The following PIK3CD variants were observed in gnomAD, a reference collection of about 807,000 sequenced individuals.
PIK3CD encodes phosphatidylinositol 4,5-bisphosphate 3-kinase catalytic subunit delta isoform.
In PIK3CD, 20 loss-of-function variants were observed where a neutral mutation model predicts 122.9. That is an observed-to-expected ratio of 0.16 (90% CI 0.11 to 0.24). The LOEUF (loss-of-function observed/expected upper bound fraction) is 0.24, where lower values mean the gene tolerates loss of function less well. PIK3CD is among the 10% of genes least tolerant of loss of function. The pLI, the probability that PIK3CD is intolerant of heterozygous loss-of-function variation, is 1.00. For synonymous variants in PIK3CD, 596 were observed against 593.4 expected, an observed-to-expected ratio of 1.00 and a Z score of -0.06; for missense variants, 787 against 1,406.3, an observed-to-expected ratio of 0.56 and a Z score of 7.04.
chr1:9,629,668 G>A, the PIK3CD span, among the ~76,000 whole-genome samples: 9 of 152,206 alleles, frequency 5.9e-5, no homozygotes, highest in Admixed American at 3.3e-4. Flanking sequence ...CTGGGAGAAG[G>A]TGAGCTAAGA....
intron 2 of PIK3CD, among the ~76,000 whole-genome samples, chr1:9,694,793 T>G (rs1417831935): frequency 6.6e-6 from 1 of 151,960 alleles, no homozygotes; most frequent in Non-Finnish European, 1.5e-5. Flanking sequence ...GGAAATCCTC[T>G]CTCTACATAA....
chr1:9,657,383 T>A (rs1376795768), intron 1 of PIK3CD, among the ~76,000 whole-genome samples: 1 of 152,144 alleles, frequency 6.6e-6, no homozygotes, highest in Admixed American at 6.5e-5. Flanking sequence ...CTTTCTGTAT[T>A]TTCTGGGGAC....
At chr1:9,657,728 G>C (rs1233408348) in intron 1 of PIK3CD, among the ~76,000 whole-genome samples, 1 of 152,056 alleles carries the variant, frequency 6.6e-6, no homozygotes, top group Non-Finnish European at 1.5e-5. Context: ...CTCTCTCTCT[G>C]AGGTCACACA....
chr1:9,653,235 G>T (rs906727847), intron 1 of PIK3CD: 2 of 157,726 alleles, frequency 1.3e-5, no homozygotes, highest in Non-Finnish European at 2.8e-5. Flanking sequence ...CCGCCCGGGT[G>T]CCTGACGGTG....
At position 9,727,074 on chromosome 1, in the gene PIK3CD, G is replaced by A. The variant is rs1649773240; in HGVS notation, c.*28G>A. The A allele has an allele frequency of 6.2e-7, 1 of 1,613,880 alleles. No individual in the cohort carries two copies. The highest frequency in any genetic ancestry group is 1.1e-5 in the South Asian group (1 of 91,056). On this transcript the variant is annotated 3_prime_UTR_variant, in exon 24 of 24. Coordinates refer to ENST00000377346, the MANE Select transcript of PIK3CD (RefSeq NM_005026.5). ...GCTCCTCCCAGCCCTGGGCCCAAGAGGAGGCGGCTGCGGGTCGTGGGGACC... is the reference window on the plus strand; with the variant it reads ...GCTCCTCCCAGCCCTGGGCCCAAGAAGAGGCGGCTGCGGGTCGTGGGGACC...
intron 2 of PIK3CD, among the ~76,000 whole-genome samples, chr1:9,694,961 CAA>C (rs374331511): frequency 6.9e-6 from 1 of 145,888 alleles, no homozygotes; most frequent in African/African-American, 2.6e-5. Context: ...GACCCTGTCT[CAA>C]AAACAAAAAA....
chr1:9,647,217 C>T (rs1385713399), upstream of PIK3CD, among the ~76,000 whole-genome samples: 1 of 151,452 alleles, frequency 6.6e-6, no homozygotes, highest in African/African-American at 2.4e-5. Flanking sequence ...AGTTTGAGAC[C>T]AGACTGGGTG....
At chr1:9,669,354 TCTC>T (rs2100961064) in intron 1 of PIK3CD, among the ~76,000 whole-genome samples, 1 of 151,064 alleles carries the variant, frequency 6.6e-6, no homozygotes, top group Admixed American at 6.6e-5. Flanking sequence ...GAGATGGAGG[TCTC>T]CTTTTGTTGC....
chr1:9,715,781 G>C lies in PIK3CD; in HGVS notation c.370+12G>C, dbSNP rs377356205. On this transcript the variant is annotated intron_variant, in intron 4 of 23. Transcript: ENST00000377346. This position sits in a 1 kb window ranked among gnomAD's most constrained non-coding sequence, Gnocchi z 4.1. ...CCTCATCGGCAAAGGTAGCTCTGCC[G>C]AGTGGGCCGTGTGGCCGGGCTGGCC... 7.4e-6 allele frequency: 12 copies of C among 1,612,734 alleles called. No individual in the cohort carries two copies. Among genetic ancestry groups the C allele is most frequent in the Non-Finnish European group, 8.5e-6 (10 of 1,179,864 alleles).
intron 5 of PIK3CD, 54 bp from the exon 6 acceptor site, chr1:9,716,386 C>T: frequency 1.3e-6 from 2 of 1,584,690 alleles, no homozygotes; most frequent in South Asian, 1.1e-5. Flanking sequence ...GCCCTGTGCC[C>T]CAGAACCCCG....
chr1:9,644,110 G>T, the PIK3CD span, among the ~76,000 whole-genome samples: 1 of 152,214 alleles, frequency 6.6e-6, no homozygotes, highest in Non-Finnish European at 1.5e-5. Context: ...AGCCACTCCG[G>T]GTTGAGCAAA....
At chr1:9,658,501 C>T (rs1169070168) in intron 1 of PIK3CD, among the ~76,000 whole-genome samples, 1 of 140,714 alleles carries the variant, frequency 7.1e-6, no homozygotes, top group Non-Finnish European at 1.5e-5. Flanking sequence ...GTCAGCTGAA[C>T]TGGGTTTTTT....
chr1:9,646,296 C>T, the PIK3CD span, among the ~76,000 whole-genome samples: 5 of 152,234 alleles, frequency 3.3e-5, no homozygotes, highest in South Asian at 8.3e-4. Flanking sequence ...TCCTCAGCCC[C>T]GGTAAGTTCA....
At chr1:9,711,466 C>T (rs1375022207) in intron 3 of PIK3CD, among the ~76,000 whole-genome samples, 2 of 152,212 alleles carry the variant, frequency 1.3e-5, no homozygotes, top group Non-Finnish European at 2.9e-5. Flanking sequence ...TTTCAGCTTT[C>T]CCCATTTCAC....
chr1:9,649,389 C>A (rs1172008335), upstream of PIK3CD, among the ~76,000 whole-genome samples: 1 of 152,082 alleles, frequency 6.6e-6, no homozygotes, highest in African/African-American at 2.4e-5. Context: ...CACCACTAAA[C>A]CCGGCTAATT....
At chr1:9,637,011 C>T in the PIK3CD span, among the ~76,000 whole-genome samples, 3 of 152,070 alleles carry the variant, frequency 2.0e-5, no homozygotes, top group Non-Finnish European at 4.4e-5. Context: ...CATTCTCCTG[C>T]CTCAGCCTCC....
the PIK3CD span, among the ~76,000 whole-genome samples, chr1:9,631,028 C>T: frequency 6.6e-6 from 1 of 152,196 alleles, no homozygotes; most frequent in African/African-American, 2.4e-5. Context: ...AACCAGCTCC[C>T]TTTCGCTCAA....
intron 1 of PIK3CD, among the ~76,000 whole-genome samples, chr1:9,679,831 T>A (rs1239939564): frequency 6.6e-6 from 1 of 152,220 alleles, no homozygotes; most frequent in East Asian, 1.9e-4. Context: ...ATTGTTTTCG[T>A]TTTTATTTTT....
At chr1:9,639,728 T>G in the PIK3CD span, among the ~76,000 whole-genome samples, 1 of 152,118 alleles carries the variant, frequency 6.6e-6, no homozygotes, top group Non-Finnish European at 1.5e-5. Flanking sequence ...GGTTTTTGTT[T>G]GTTTGTTTGT....
Sources: allele counts gnomAD v4.1 joint callset (sites outside exome capture counted in the v4.1 genomes callset), GRCh38; gene constraint gnomAD v4.1.1; non-coding constraint Gnocchi (gnomAD v3.1); transcripts MANE v1.5; gene names NCBI Gene and HGNC (gene_info 2026-07-23, HGNC 2026-07-21).